The following CLSTN2 variants were observed in gnomAD, a reference collection of about 807,000 sequenced individuals.
The protein encoded by CLSTN2 is calsyntenin-2.
A neutral mutation model predicts 101.2 loss-of-function variants in CLSTN2; 48 were observed. That is an observed-to-expected ratio of 0.47 (90% CI 0.38 to 0.60). The LOEUF is 0.60. Among genes scored for constraint, CLSTN2 ranks in the 20% least tolerant of loss-of-function variants. The pLI, the probability that CLSTN2 is intolerant of heterozygous loss-of-function variation, is 0.00. For missense variants in CLSTN2, 1,160 were observed against 1,238.2 expected, an observed-to-expected ratio of 0.94 and a Z score of 0.95; for synonymous variants, 481 against 463.6, an observed-to-expected ratio of 1.04 and a Z score of -0.48.
intron 1 of CLSTN2, among the ~76,000 whole-genome samples, chr3:140,029,896 C>A (rs112673315): frequency 1.4e-4 from 22 of 152,122 alleles, no homozygotes; most frequent in African/African-American, 5.3e-4. Flanking sequence ...TTGGAGGCAA[C>A]CGAATTTCAA....
intron 8 of CLSTN2, among the ~76,000 whole-genome samples, chr3:140,490,818 T>C (rs968899213): frequency 6.6e-6 from 1 of 152,114 alleles, no homozygotes; most frequent in African/African-American, 2.4e-5. Context: ...CCAGCTGTGA[T>C]GTCTAGTACC....
At chr3:140,483,985 G>A (rs1487305462) in intron 8 of CLSTN2, among the ~76,000 whole-genome samples, 1 of 152,162 alleles carries the variant, frequency 6.6e-6, no homozygotes, top group African/African-American at 2.4e-5. Flanking sequence ...ATTGTTATGT[G>A]TGAATTTGAT....
chr3:140,548,776 G>A (rs1935653868), intron 10 of CLSTN2, among the ~76,000 whole-genome samples: 1 of 152,206 alleles, frequency 6.6e-6, no homozygotes, highest in Non-Finnish European at 1.5e-5. Context: ...TATTAACCAT[G>A]TTTAGGTGTT....
At chr3:140,245,308 C>T (rs2086506455) in intron 2 of CLSTN2, among the ~76,000 whole-genome samples, 1 of 152,150 alleles carries the variant, frequency 6.6e-6, no homozygotes, top group Non-Finnish European at 1.5e-5. Context: ...TCTAATTTAA[C>T]TCAATGACTA....
intron 2 of CLSTN2, among the ~76,000 whole-genome samples, chr3:140,309,140 C>T (rs6802157): frequency 0.37 from 55,928 of 152,074 alleles, 11,381 homozygotes; most frequent in Non-Finnish European, 0.47. Context: ...AAGCACATAA[C>T]TAAACAACTA....
intron 2 of CLSTN2, among the ~76,000 whole-genome samples, chr3:140,372,094 G>A (rs1383016): frequency 0.37 from 55,709 of 152,066 alleles, 12,053 homozygotes; most frequent in Non-Finnish European, 0.49. Flanking sequence ...GGAGGGAGGA[G>A]CAGGAGCTTT....
intron 2 of CLSTN2, among the ~76,000 whole-genome samples, chr3:140,355,367 G>T (rs979097838): frequency 6.6e-6 from 1 of 152,042 alleles, no homozygotes; most frequent in Non-Finnish European, 1.5e-5. Context: ...CTGTTAAATG[G>T]GAATATTAAT....
chr3:140,155,367 T>C (rs1018430308), intron 1 of CLSTN2, among the ~76,000 whole-genome samples: 3 of 152,158 alleles, frequency 2.0e-5, no homozygotes, highest in Admixed American at 1.3e-4. Context: ...GAAATCAAGG[T>C]ACATCCTAGG....
At chr3:139,952,398 C>G (rs1439740212) in intron 1 of CLSTN2, among the ~76,000 whole-genome samples, 1 of 152,204 alleles carries the variant, frequency 6.6e-6, no homozygotes, top group Non-Finnish European at 1.5e-5. Context: ...GGAGTGTCCT[C>G]ATGCCCACTC....
intron 1 of CLSTN2, among the ~76,000 whole-genome samples, chr3:140,008,224 G>C (rs1035705468): frequency 3.9e-5 from 6 of 152,232 alleles, no homozygotes; most frequent in African/African-American, 1.4e-4. Flanking sequence ...TGAGTGTCCT[G>C]TGCTTCCTCA....
chr3:140,014,205 ATTTTG>A lies in CLSTN2; in HGVS notation c.109+78727_109+78731del. Among the ~76,000 whole-genome samples the A allele has an allele frequency of 2.0e-5, 3 of 151,866 alleles. No individual in the cohort carries two copies. In the South Asian group the frequency reaches 6.3e-4, roughly 32 times the overall value. On this transcript the variant is annotated intron_variant, in intron 1 of 16. Coordinates refer to ENST00000458420, the MANE Select transcript of CLSTN2 (RefSeq NM_022131.3). Reference sequence around the variant, plus strand: ...AGCCTGTGATGGCAGGGAGGATGCAATTTTGTTTTATTTTATTTTATTTATCTATT... The same window carrying A: ...AGCCTGTGATGGCAGGGAGGATGCAATTTTATTTTATTTTATTTATCTATT...
At chr3:140,262,134 G>A (rs1166447871) in intron 2 of CLSTN2, among the ~76,000 whole-genome samples, 1 of 152,160 alleles carries the variant, frequency 6.6e-6, no homozygotes, top group Non-Finnish European at 1.5e-5. Context: ...CCTTGGCAGG[G>A]TTTTGTGTTT....
intron 2 of CLSTN2, among the ~76,000 whole-genome samples, chr3:140,253,108 G>A (rs955021824): frequency 8.5e-5 from 13 of 152,280 alleles, no homozygotes; most frequent in African/African-American, 3.1e-4. Flanking sequence ...TGTAGACCAG[G>A]TACACCAGGC....
intron 2 of CLSTN2, among the ~76,000 whole-genome samples, chr3:140,373,599 C>G (rs1384042626): frequency 6.6e-6 from 1 of 152,166 alleles, no homozygotes; most frequent in East Asian, 1.9e-4. Context: ...CAGAGACCGT[C>G]TTTAAGAGAA....
Position 140,575,206 on chromosome 3 carries a change from C to T in CLSTN2, c.*8953C>T, listed in dbSNP as rs989272219. 1 of 152,122 alleles carries T rather than the reference C, an allele frequency of 6.6e-6. No homozygotes were observed. The highest frequency in any genetic ancestry group is 1.5e-5 in the Non-Finnish European group (1 of 68,044). The allele number at this position is 152,122 out of a possible 1,614,324, so 9.4% of individuals were successfully genotyped here. A position where few individuals can be genotyped will look rare whatever the true frequency, so the allele number is the denominator to read the frequency against. On this transcript the variant is annotated 3_prime_UTR_variant, in exon 17 of 17. Coordinates refer to ENST00000458420, the MANE Select transcript of CLSTN2 (RefSeq NM_022131.3). ...TTTTGGCGTGGAGGAGAAATTTAGACTTGAAAGTCAGGGCTGATCACTCAA... is the reference window on the plus strand; with the variant it reads ...TTTTGGCGTGGAGGAGAAATTTAGATTTGAAAGTCAGGGCTGATCACTCAA...
chr3:140,337,375 G>T (rs1034453023), intron 2 of CLSTN2, among the ~76,000 whole-genome samples: 1 of 152,256 alleles, frequency 6.6e-6, no homozygotes, highest in Admixed American at 6.5e-5. Context: ...TATTCTCCCT[G>T]TGTCTTTATA....
intron 2 of CLSTN2, among the ~76,000 whole-genome samples, chr3:140,299,405 A>G (rs542802150): frequency 6.6e-6 from 1 of 152,304 alleles, no homozygotes; most frequent in African/African-American, 2.4e-5. Context: ...AATTTAGTAA[A>G]CCAGTGTTCT....
chr3:140,257,414 G>GGATC (rs2086612784), intron 2 of CLSTN2, among the ~76,000 whole-genome samples: 1 of 152,148 alleles, frequency 6.6e-6, no homozygotes, highest in Admixed American at 6.5e-5. Context: ...AATTGGCTAT[G>GGATC]GATCACATGT....
chr3:140,530,834 C>T (rs1288267801), intron 8 of CLSTN2, among the ~76,000 whole-genome samples: 3 of 152,198 alleles, frequency 2.0e-5, no homozygotes, highest in Non-Finnish European at 4.4e-5. Context: ...TTCCTCCCTG[C>T]CCAGGGCCTG....
Sources: gnomAD v4.1 joint callset for allele counts (sites outside exome capture counted in the v4.1 genomes callset) on GRCh38, gnomAD v4.1.1 for gene constraint, MANE v1.5 for transcripts, NCBI Gene and HGNC (gene_info 2026-07-23, HGNC 2026-07-21) for gene names.